TRAF5: variants seen among roughly 807,000 people sequenced by gnomAD.
The protein encoded by TRAF5 is TNF receptor associated factor 5, also known as TNF receptor-associated factor 5.
TRAF5 carries 48 observed loss-of-function variants against 64.5 expected under a neutral mutation model. The ratio of observed to expected loss-of-function variants is 0.74; its 90% confidence interval spans 0.59 to 0.95. The LOEUF is 0.95. Among genes scored for constraint, TRAF5 ranks in the 40% least tolerant of loss-of-function variants. TRAF5 has a pLI of 0.00. For missense variants in TRAF5, 545 were observed against 662.8 expected, an observed-to-expected ratio of 0.82 and a Z score of 1.95; for synonymous variants, 206 against 240.5, an observed-to-expected ratio of 0.86 and a Z score of 1.33.
intron 7 of TRAF5, among the ~76,000 whole-genome samples, chr1:211,361,374 G>T (rs916563452): frequency 6.6e-5 from 10 of 152,184 alleles, no homozygotes; most frequent in African/African-American, 2.2e-4. Flanking sequence ...TCTTGCAGTT[G>T]TGGGGGCTAG....
At chr1:211,356,910 G>A (rs528678839) in intron 4 of TRAF5, 1 of 160,942 alleles carries the variant, frequency 6.2e-6, no homozygotes, top group East Asian at 1.8e-4. Flanking sequence ...GCAACTGTGG[G>A]ACCTGGCCTC....
intron 1 of TRAF5, among the ~76,000 whole-genome samples, chr1:211,349,207 C>T (rs1558137757): frequency 6.6e-6 from 1 of 152,050 alleles, no homozygotes; most frequent in Non-Finnish European, 1.5e-5. Flanking sequence ...GACCCTGTCT[C>T]TGAAAAGAAA....
chr1:211,368,061 G>A (rs1440975568), intron 8 of TRAF5, among the ~76,000 whole-genome samples: 1 of 152,094 alleles, frequency 6.6e-6, no homozygotes, highest in Non-Finnish European at 1.5e-5. Flanking sequence ...CCAAGAGGAT[G>A]TACCCATGAG....
At position 211,372,806 on chromosome 1, in the gene TRAF5, A is replaced by G; in HGVS notation, c.*104A>G. The G allele has an allele frequency of 9.2e-7, 1 of 1,091,396 alleles. No individual in the cohort carries two copies. The highest frequency in any genetic ancestry group is 2.5e-5 in the Admixed American group (1 of 40,692). 67.6% of individuals were successfully genotyped at this position (1,091,396 alleles called of 1,614,324 possible). The stretch of plus-strand genomic sequence containing the variant: ...GGATTTAGACTCAAAGCACATTTGT[A>G]TTTGCCTTTTTCCTTAACGTTTGAA... On this transcript the variant is annotated 3_prime_UTR_variant, in exon 11 of 11. Coordinates refer to ENST00000261464, the MANE Select transcript of TRAF5 (RefSeq NM_001033910.3).
At position 211,372,538 on chromosome 1, in the gene TRAF5, A is replaced by G. The variant is rs1703573021; in HGVS notation, c.1510A>G (p.Asn504Asp). Residue 504 changes from asparagine (N) to aspartate (D), a missense_variant, in exon 11 of 11, where the codon AAT becomes GAT. Coordinates refer to ENST00000261464, the MANE Select transcript of TRAF5 (RefSeq NM_001033910.3). ...NIMETFKPDP[N>D]SSSFKRPDGE... ...TATGGAGACCTTCAAACCTGACCCCAATAGCAGCAGCTTTAAAAGACCTGA... is the reference window on the plus strand; with the variant it reads ...TATGGAGACCTTCAAACCTGACCCCGATAGCAGCAGCTTTAAAAGACCTGA... The G allele has an allele frequency of 2.5e-6, 4 of 1,614,222 alleles. No individual in the cohort carries two copies. Among genetic ancestry groups the G allele is most frequent in the Admixed American group, 3.3e-5 (2 of 60,026 alleles).
intron 1 of TRAF5, chr1:211,346,378 C>G: frequency 1.0e-6 from 1 of 985,446 alleles, no homozygotes; most frequent in Non-Finnish European, 1.2e-6. Context: ...CAGGGATGTG[C>G]AGATGAGTGG....
At position 211,327,732 on chromosome 1, in the gene TRAF5, A is replaced by G. The variant is rs575858541; in HGVS notation, c.-2+843A>G. ...CTAAGTTTCCATATTTGGGTATTTC[A>G]GATTTACTTTCATGAGAACTCAGTT... On this transcript the variant is annotated intron_variant, in intron 1 of 10. Coordinates refer to ENST00000261464, the MANE Select transcript of TRAF5 (RefSeq NM_001033910.3). Among the ~76,000 whole-genome samples, 35 of 152,274 alleles carry G rather than the reference A, an allele frequency of 2.3e-4. 1 individual carries two copies. Among genetic ancestry groups the G allele is most frequent in the South Asian group, 1.7e-3 (8 of 4,822 alleles).
At chr1:211,334,468 C>G (rs370191556) in intron 1 of TRAF5, among the ~76,000 whole-genome samples, 4 of 152,196 alleles carry the variant, frequency 2.6e-5, no homozygotes, top group South Asian at 4.1e-4. Flanking sequence ...ACCATCCTGG[C>G]TAACACGGTG....
chr1:211,332,358 C>T (rs1572050665), intron 1 of TRAF5, among the ~76,000 whole-genome samples: 2 of 152,220 alleles, frequency 1.3e-5, no homozygotes, highest in African/African-American at 4.8e-5. Flanking sequence ...TGACCTGATG[C>T]AAAGCCACCA....
rs756486063 is a variant in TRAF5 at position 211,356,409 on chromosome 1, T to C, written c.319T>C (p.Tyr107His). 1.1e-4 allele frequency: 180 copies of C among 1,614,074 alleles called. No individual in the cohort carries two copies. The highest frequency in any genetic ancestry group is 1.6e-4 in the East Asian group (7 of 44,896). Reference sequence around the variant, plus strand: ...TTGCAAAAGAGAAGTCCTCAACTTATATGTATATTGCAGCAATGCTCCTGG... The same window carrying C: ...TTGCAAAAGAGAAGTCCTCAACTTACATGTATATTGCAGCAATGCTCCTGG... The part of the protein sequence containing the change: ...NCCKREVLNL[Y>H]VYCSNAPGCN... The change falls in exon 4 of 11, where the codon TAT (tyrosine) becomes CAT (histidine). Residue 107 changes from tyrosine (Y) to histidine (H), a missense_variant. Coordinates refer to ENST00000261464, the MANE Select transcript of TRAF5 (RefSeq NM_001033910.3).
chr1:211,351,488 T>C (rs1297083534), intron 1 of TRAF5, among the ~76,000 whole-genome samples: 1 of 152,084 alleles, frequency 6.6e-6, no homozygotes, highest in Non-Finnish European at 1.5e-5. Context: ...TCTACCGCAA[T>C]GGCAGTGATA....
In TRAF5 at chr1:211,372,435, G is replaced by A; in HGVS notation, c.1407G>A (p.Glu469=). The A allele has an allele frequency of 1.2e-6, 2 of 1,614,184 alleles. No individual in the cohort carries two copies. The highest frequency in any genetic ancestry group is 1.3e-5 in the African/African-American group (1 of 75,048). ...LSLYFVVMRG[E]FDSLLQWPFR... The stretch of plus-strand genomic sequence containing the variant: ...TATACTTTGTGGTCATGCGAGGAGA[G>A]TTTGACTCACTGTTGCAGTGGCCAT... The change falls in exon 11 of 11, where the codon GAG becomes GAA. Residue 469 remains glutamate, a synonymous_variant. Transcript: ENST00000261464.
intron 1 of TRAF5, among the ~76,000 whole-genome samples, chr1:211,335,457 T>C (rs1702265709): frequency 6.6e-6 from 1 of 152,128 alleles, no homozygotes; most frequent in African/African-American, 2.4e-5. Context: ...CCTTGAAAAA[T>C]ATAAGACACA....
Position 211,353,226 on chromosome 1 carries a change from C to T in TRAF5, c.-1-13C>T. 6.2e-7 allele frequency: 1 copy of T among 1,613,702 alleles called. No individual in the cohort carries two copies. The highest frequency in any genetic ancestry group is 8.5e-7 in the Non-Finnish European group (1 of 1,179,664). On this transcript the variant is annotated splice_polypyrimidine_tract_variant and intron_variant, in intron 1 of 10. Transcript: ENST00000261464. The stretch of plus-strand genomic sequence containing the variant: ...CACACTTAATTTTCCCTCTCCTCCC[C>T]TGACCTCTGCAGAATGGCTTATTCA...
chr1:211,328,981 C>T (rs1478114167), intron 1 of TRAF5, among the ~76,000 whole-genome samples: 2 of 152,142 alleles, frequency 1.3e-5, no homozygotes, highest in Non-Finnish European at 2.9e-5. Context: ...CTGCTCCAGG[C>T]CCCTCACCCT....
chr1:211,361,629 C>A lies in TRAF5; in HGVS notation c.696+467C>A, dbSNP rs558481924. 1.8e-4 allele frequency among the ~76,000 whole-genome samples: 27 copies of A among 149,804 alleles called. 1 individual carries two copies. The highest frequency in any genetic ancestry group is 6.1e-4 in the African/African-American group (25 of 40,786). ...AACATATAGACTTGTTTTGAGCAAA[C>A]AATTGGGCACCATAGCCTAGCCAGG... On this transcript the variant is annotated intron_variant, in intron 7 of 10. Transcript: ENST00000261464.
chr1:211,356,228 G>C (rs942500762), intron 3 of TRAF5, 139 bp from the exon 4 acceptor site: 1 of 608,904 alleles, frequency 1.6e-6, no homozygotes, highest in Non-Finnish European at 2.9e-6. Flanking sequence ...TGGTGTAAGT[G>C]TGATATTTCC....
At chr1:211,352,277 G>A (rs917531484) in intron 1 of TRAF5, among the ~76,000 whole-genome samples, 6 of 151,846 alleles carry the variant, frequency 4.0e-5, no homozygotes, top group African/African-American at 1.5e-4. Context: ...CTTGTGCAGG[G>A]AAACTCCACC....
rs763209920 is a variant in TRAF5 at position 211,369,610 on chromosome 1, C to T, written c.930+18C>T. 5.8e-6 allele frequency: 9 copies of T among 1,549,002 alleles called. No individual in the cohort carries two copies. Among genetic ancestry groups the T allele is most frequent in the Admixed American group, 2.2e-5 (1 of 45,630 alleles). Reference sequence around the variant, plus strand: ...ACATCCAGGTAAGAAATGGCCTTTGCGTTGAAAGCCAAGATTTGGCTTTCA... The same window carrying T: ...ACATCCAGGTAAGAAATGGCCTTTGTGTTGAAAGCCAAGATTTGGCTTTCA... On this transcript the variant is annotated intron_variant, in intron 9 of 10. Coordinates refer to ENST00000261464, the MANE Select transcript of TRAF5 (RefSeq NM_001033910.3).
Sources: allele counts gnomAD v4.1 joint callset (sites outside exome capture counted in the v4.1 genomes callset), GRCh38; gene constraint gnomAD v4.1.1; transcripts MANE v1.5; gene names NCBI Gene and HGNC (gene_info 2026-07-23, HGNC 2026-07-21).